Variants in JAZF1 observed in about 807,000 individuals in gnomAD.
JAZF1 encodes JAZF zinc finger 1.
JAZF1 carries 8 observed loss-of-function variants against 26.4 expected under a neutral mutation model. That is an observed-to-expected ratio of 0.30 (90% CI 0.18 to 0.55). The LOEUF (loss-of-function observed/expected upper bound fraction) is 0.55, where lower values mean the gene tolerates loss of function less well. Ranked by LOEUF, JAZF1 falls within the 20% of genes least tolerant of loss-of-function variation. The probability of loss-of-function intolerance (pLI) is 0.94; values close to 1 mark genes in which losing one functional copy is unlikely to be tolerated. For synonymous variants in JAZF1, 126 were observed against 122.3 expected, an observed-to-expected ratio of 1.03 and a Z score of -0.20; for missense variants, 199 against 322.0, an observed-to-expected ratio of 0.62 and a Z score of 2.92.
At chr7:27,872,877 G>T (rs971580706) in intron 3 of JAZF1, among the ~76,000 whole-genome samples, 40 of 152,048 alleles carry the variant, frequency 2.6e-4, no homozygotes, top group Admixed American at 1.3e-4. Flanking sequence ...AAAAAGATAG[G>T]GGATGGCAAC....
chr7:27,988,465 C>T (rs557729084), intron 2 of JAZF1, among the ~76,000 whole-genome samples: 25 of 151,724 alleles, frequency 1.6e-4, no homozygotes, highest in Admixed American at 2.0e-4. Flanking sequence ...GCCTCAAACT[C>T]CTGGGCTCAA....
chr7:27,834,883 T>A (rs186110522), intron 4 of JAZF1, among the ~76,000 whole-genome samples: 23 of 152,318 alleles, frequency 1.5e-4, no homozygotes, highest in Admixed American at 1.2e-3. Flanking sequence ...ATTGTGTGTG[T>A]GAGAGAGACA....
chr7:27,881,679 C>A (rs563452040), intron 3 of JAZF1, among the ~76,000 whole-genome samples: 1 of 152,144 alleles, frequency 6.6e-6, no homozygotes, highest in Non-Finnish European at 1.5e-5. Flanking sequence ...CAGCATCAGT[C>A]CCCGTAACTG....
chr7:28,087,338 T>A (rs1784226988), intron 1 of JAZF1, among the ~76,000 whole-genome samples: 1 of 151,990 alleles, frequency 6.6e-6, no homozygotes, highest in Non-Finnish European at 1.5e-5. Context: ...AAAAATCATA[T>A]TCCATTTAAT....
At position 28,000,105 on chromosome 7, in the gene JAZF1, T is replaced by C. The variant is rs73683931; in HGVS notation, c.116-8124A>G. ...ATAGGGGAGAGGTCTGTGGATACTG[T>C]AGAAAAGCAGTGAGTTGAAGAGTAT... On this transcript the variant is annotated intron_variant, in intron 1 of 4. Coordinates refer to ENST00000283928, the MANE Select transcript of JAZF1 (RefSeq NM_175061.4). Among the ~76,000 whole-genome samples, 343 of 152,216 alleles carry C rather than the reference T, an allele frequency of 2.3e-3. 4 individuals are homozygous for C. Among genetic ancestry groups the C allele is most frequent in the Middle Eastern group, 0.02 (6 of 294 alleles).
intron 1 of JAZF1, among the ~76,000 whole-genome samples, chr7:28,173,969 C>G (rs1048889701): frequency 2.0e-5 from 3 of 148,426 alleles, no homozygotes; most frequent in African/African-American, 5.0e-5. Flanking sequence ...ATTTTCTTTA[C>G]AGCAATTAAA....
At chr7:28,180,346 G>GCCCTCCCCGCCCTGCCGCCT (rs1404043657) in intron 1 of JAZF1, 117 bp downstream of exon 1, 17 of 424,084 alleles carry the variant, frequency 4.0e-5, no homozygotes, top group East Asian at 3.8e-4. Flanking sequence ...GCTCGCACGC[G>GCCCTCCCCGCCCTGCCGCCT]CCCTCCCCGC....
chr7:28,025,429 A>G (rs961131441), intron 1 of JAZF1, among the ~76,000 whole-genome samples: 24 of 152,372 alleles, frequency 1.6e-4, no homozygotes, highest in Middle Eastern at 3.4e-3. Context: ...CTCACAAAAC[A>G]TGAAAACACG....
At chr7:28,025,622 G>C (rs1783082091) in intron 1 of JAZF1, among the ~76,000 whole-genome samples, 1 of 152,214 alleles carries the variant, frequency 6.6e-6, no homozygotes, top group Non-Finnish European at 1.5e-5. Flanking sequence ...GTTTGCTACA[G>C]AAGATTGGTC....
chr7:28,177,493 T>G (rs1450172021), intron 1 of JAZF1, among the ~76,000 whole-genome samples: 1 of 152,162 alleles, frequency 6.6e-6, no homozygotes, highest in Non-Finnish European at 1.5e-5. Flanking sequence ...CACACCATAT[T>G]CCCATAAATA....
At chr7:27,870,075 ATTTTT>A (rs371770357) in intron 3 of JAZF1, among the ~76,000 whole-genome samples, 211 of 120,636 alleles carry the variant, frequency 1.7e-3, no homozygotes, top group African/African-American at 4.7e-3. Context: ...CACCCGGTTA[ATTTTT>A]TTTTTTTTTT....
chr7:27,996,879 T>C (rs1308131919), intron 1 of JAZF1, among the ~76,000 whole-genome samples: 1 of 152,228 alleles, frequency 6.6e-6, no homozygotes, highest in Non-Finnish European at 1.5e-5. Context: ...ATGAATACAC[T>C]GATCTATTAT....
At chr7:28,159,151 T>G (rs1783238536) in intron 1 of JAZF1, among the ~76,000 whole-genome samples, 1 of 151,766 alleles carries the variant, frequency 6.6e-6, no homozygotes, top group Non-Finnish European at 1.5e-5. Flanking sequence ...GGCAGGAAGG[T>G]GGGCTCCTAA....
intron 1 of JAZF1, among the ~76,000 whole-genome samples, chr7:28,003,644 T>C (rs1258738636): frequency 1.3e-5 from 2 of 152,206 alleles, no homozygotes; most frequent in African/African-American, 2.4e-5. Context: ...TATTTATTAA[T>C]GCAGATCTGT....
intron 1 of JAZF1, among the ~76,000 whole-genome samples, chr7:27,992,787 G>T (rs1436799976): frequency 6.6e-6 from 1 of 152,162 alleles, no homozygotes; most frequent in Non-Finnish European, 1.5e-5. Flanking sequence ...TTAGAAAAAG[G>T]TTCATAGATT....
chr7:28,179,199 G>A (rs1011528778), intron 1 of JAZF1, among the ~76,000 whole-genome samples: 1 of 152,224 alleles, frequency 6.6e-6, no homozygotes, highest in Admixed American at 6.5e-5. Flanking sequence ...ACATCGCTCG[G>A]ACCCTTCACC....
At chr7:28,009,053 A>ATCTC (rs1207588945) in intron 1 of JAZF1, among the ~76,000 whole-genome samples, 1 of 152,174 alleles carries the variant, frequency 6.6e-6, no homozygotes, top group East Asian at 1.9e-4. Context: ...AGCTCGGGAG[A>ATCTC]CCTCTGGGAT....
chr7:28,133,800 G>T (rs1213727328), intron 1 of JAZF1, among the ~76,000 whole-genome samples: 1 of 152,160 alleles, frequency 6.6e-6, no homozygotes, highest in Non-Finnish European at 1.5e-5. Flanking sequence ...CTTCCTCTGA[G>T]AAACAGTCTT....
intron 1 of JAZF1, among the ~76,000 whole-genome samples, chr7:28,011,241 T>G (rs928425180): frequency 3.9e-5 from 6 of 152,206 alleles, no homozygotes; most frequent in Admixed American, 6.5e-5. Context: ...GATTTCTCCT[T>G]TTCATAAGTA....
Sources: gnomAD v4.1 joint callset for allele counts (sites outside exome capture counted in the v4.1 genomes callset) on GRCh38, gnomAD v4.1.1 for gene constraint, MANE v1.5 for transcripts, NCBI Gene and HGNC (gene_info 2026-07-23, HGNC 2026-07-21) for gene names.